Variants in LRIG3 observed in about 807,000 individuals in gnomAD.
The protein encoded by LRIG3 is leucine rich repeats and immunoglobulin like domains 3.
In LRIG3, 76 loss-of-function variants were observed where a neutral mutation model predicts 114.5. That is an observed-to-expected ratio of 0.66 (90% CI 0.55 to 0.80). The LOEUF (loss-of-function observed/expected upper bound fraction) is 0.80. Among genes scored for constraint, LRIG3 ranks in the 30% least tolerant of loss-of-function variants. The pLI is 0.00. For missense variants in LRIG3, 1,239 were observed against 1,382.8 expected (o/e 0.90, Z 1.65); for synonymous variants, 512 against 519.8 (o/e 0.98, Z 0.20).
In LRIG3 at chr12:58,872,592, A is replaced by G. The variant is rs748650167; in HGVS notation, c.3340T>C (p.Ser1114Pro). The stretch of plus-strand genomic sequence containing the variant: ...TCAGTCTATGTGTCCAAGTCATAAG[A>G]CTGAAAATTTGGAGTCCTGTAGTTT... ...LENYRTPNFQSYDLDT is the reference protein window; with the variant it reads ...LENYRTPNFQPYDLDT Residue 1114 changes from serine to proline, a missense_variant, in exon 19 of 19, where the codon TCT becomes CCT. By Grantham distance (74) the Ser-to-Pro change is moderately conservative (BLOSUM62 -1). Coordinates refer to ENST00000320743, the MANE Select transcript of LRIG3 (RefSeq NM_153377.5). 6.2e-7 allele frequency: 1 copy of G among 1,613,654 alleles called. No individual in the cohort carries two copies. The highest frequency in any genetic ancestry group is 1.3e-5 in the African/African-American group (1 of 74,982).
At chr12:58,884,907 T>G (rs1186489214) in intron 10 of LRIG3, among the ~76,000 whole-genome samples, 6 of 152,236 alleles carry the variant, frequency 3.9e-5, no homozygotes, top group African/African-American at 1.4e-4. Flanking sequence ...ACTTTTACTG[T>G]ACAAGCGTAA....
At chr12:58,874,804 A>C (rs1209884217) in intron 16 of LRIG3, among the ~76,000 whole-genome samples, 2 of 152,196 alleles carry the variant, frequency 1.3e-5, no homozygotes, top group Non-Finnish European at 2.9e-5. Context: ...CGGGAAACTG[A>C]TATGTGCAGA....
chr12:58,883,105 A>C (rs1871171575), intron 11 of LRIG3, 73 bp from the exon 12 acceptor site: 1 of 1,425,030 alleles, frequency 7.0e-7, no homozygotes, highest in African/African-American at 1.4e-5. Flanking sequence ...AACCCAAGTA[A>C]ATATTAACAA....
chr12:58,891,817 G>A lies in LRIG3; in HGVS notation c.384-1021C>T, dbSNP rs914124605. On this transcript the variant is annotated intron_variant, in intron 3 of 18. Transcript: ENST00000320743. The stretch of plus-strand genomic sequence containing the variant: ...AAAGTCTTAAACATCAGACCATGAC[G>A]TCCAGTATGGCAGCCACTAGCCACA... Among the ~76,000 whole-genome samples, 14 of 152,180 alleles carry A rather than the reference G, an allele frequency of 9.2e-5. 1 individual carries two copies. In the South Asian group the frequency reaches 1.0e-3, roughly 11 times the overall value.
In LRIG3 at chr12:58,877,661, C is replaced by T. The variant is rs753878787; in HGVS notation, c.2275G>A (p.Val759Ile). 6 of 1,614,188 alleles carry T rather than the reference C, an allele frequency of 3.7e-6. No homozygotes were observed. In the South Asian group the frequency reaches 4.4e-5, roughly 12 times the overall value. Residue 759 changes from valine to isoleucine, a missense_variant, in exon 15 of 19, where the codon GTC becomes ATC. Physicochemically the swap from Val to Ile is conservative, Grantham distance 29. Coordinates refer to ENST00000320743, the MANE Select transcript of LRIG3 (RefSeq NM_153377.5). ...CATGTGTATTTCCCAGCATCACTGA[C>T]ATCTGAGTCCACAATAATCAGAAGC... ...NQLLIIVDSD[V>I]SDAGKYTCEM...
intron 3 of LRIG3, among the ~76,000 whole-genome samples, chr12:58,907,188 T>C (rs1872098721): frequency 6.6e-6 from 1 of 152,216 alleles, no homozygotes; most frequent in Non-Finnish European, 1.5e-5. Flanking sequence ...TCTTCTCTCT[T>C]GTTCAGAGCA....
chr12:58,903,092 G>A (rs1281867764), intron 3 of LRIG3, among the ~76,000 whole-genome samples: 1 of 152,118 alleles, frequency 6.6e-6, no homozygotes, highest in African/African-American at 2.4e-5. Context: ...ACCCAGTAAT[G>A]GGATGGCTGG....
At chr12:58,895,039 C>T (rs1871591715) in intron 3 of LRIG3, among the ~76,000 whole-genome samples, 1 of 152,222 alleles carries the variant, frequency 6.6e-6, no homozygotes, top group Admixed American at 6.5e-5. Flanking sequence ...TTGGCCTCAG[C>T]TTCTCGGGTC....
At chr12:58,887,160 C>T (rs1227147034) in intron 8 of LRIG3, 2 of 363,920 alleles carry the variant, frequency 5.5e-6, no homozygotes, top group Admixed American at 8.8e-5. Flanking sequence ...TCTGAATGAT[C>T]CGAACAGTCT....
chr12:58,919,467 G>T (rs12426969), intron 1 of LRIG3: 1 of 1,551,562 alleles, frequency 6.4e-7, no homozygotes. Flanking sequence ...GAGAACAACA[G>T]AAGTACGTCC....
chr12:58,906,081 T>C (rs1481324994), intron 3 of LRIG3, among the ~76,000 whole-genome samples: 2 of 152,134 alleles, frequency 1.3e-5, no homozygotes, highest in East Asian at 3.9e-4. Context: ...AGATGTCAAA[T>C]TCCATGGGTT....
In LRIG3 at chr12:58,883,504, G is replaced by A. The variant is rs1378207088; in HGVS notation, c.1316+16C>T. On this transcript the variant is annotated intron_variant, in intron 11 of 18. Transcript: ENST00000320743. ...CTCTATACTTTCAGACTCCTAGAAG[G>A]AAAAGAAAAGCTTACAATTGTTGCA... The A allele has an allele frequency of 2.0e-6, 3 of 1,521,904 alleles. No individual in the cohort carries two copies. Among genetic ancestry groups the A allele is most frequent in the Non-Finnish European group, 2.7e-6 (3 of 1,116,412 alleles). 94.3% of individuals were successfully genotyped at this position (1,521,904 alleles called of 1,614,324 possible).
intron 18 of LRIG3, chr12:58,873,469 T>G (rs1870803623): frequency 6.5e-6 from 1 of 154,256 alleles, no homozygotes; most frequent in South Asian, 2.0e-4. Flanking sequence ...AGTGAAAAGA[T>G]GACCTCAGCT....
At chr12:58,893,432 C>T (rs1288380783) in intron 3 of LRIG3, among the ~76,000 whole-genome samples, 1 of 152,174 alleles carries the variant, frequency 6.6e-6, no homozygotes, top group African/African-American at 2.4e-5. Context: ...GTCCCATGTA[C>T]AAGTCACAAA....
chr12:58,907,303 G>C (rs1872102737), intron 3 of LRIG3, among the ~76,000 whole-genome samples: 1 of 152,170 alleles, frequency 6.6e-6, no homozygotes. Context: ...TCACCTTATA[G>C]ATACAAAAGC....
chr12:58,888,944 C>T lies in LRIG3; in HGVS notation c.678G>A (p.Lys226=). 1 of 1,613,390 alleles carries T rather than the reference C, an allele frequency of 6.2e-7. No individual in the cohort carries two copies. The highest frequency in any genetic ancestry group is 8.5e-7 in the Non-Finnish European group (1 of 1,179,690). The change falls in exon 6 of 19, where the codon AAG becomes AAA. Residue 226 remains lysine (K), a synonymous_variant. Coordinates refer to ENST00000320743, the MANE Select transcript of LRIG3 (RefSeq NM_153377.5). ...QLQHLELNRN[K]IKNVDGLTFQ... ...ATGTCAGTCCATCTACATTTTTAAT[C>T]TTGTTTCGGTTCAATTCGCTGCATT...
At position 58,920,364 on chromosome 12, in the gene LRIG3, C is replaced by G; in HGVS notation, c.-129G>C. 1 of 590,234 alleles carries G rather than the reference C, an allele frequency of 1.7e-6. No homozygotes were observed. Among genetic ancestry groups the G allele is most frequent in the Non-Finnish European group, 2.6e-6 (1 of 390,566 alleles). The allele number at this position is 590,234 out of a possible 1,614,324, so 36.6% of individuals were successfully genotyped here. On this transcript the variant is annotated 5_prime_UTR_variant, in exon 1 of 19. Transcript: ENST00000320743. ...CGTGCGCGCTCCTCCCTCGCGCTGC[C>G]CGGTCAATTCCTTCTTTTACTCCCG...
At chr12:58,889,738 C>T (rs1871389332) in intron 5 of LRIG3, among the ~76,000 whole-genome samples, 1 of 151,952 alleles carries the variant, frequency 6.6e-6, no homozygotes, top group Non-Finnish European at 1.5e-5. Flanking sequence ...ACTTTTGTAC[C>T]AGCCTTGTTC....
Position 58,876,462 on chromosome 12 carries a change from G to A in LRIG3, c.2678C>T (p.Pro893Leu), listed in dbSNP as rs1419251790. The A allele has an allele frequency of 6.2e-7, 1 of 1,613,956 alleles. No individual in the cohort carries two copies. The highest frequency in any genetic ancestry group is 1.1e-5 in the South Asian group (1 of 91,060). ...ACACTTACCACTACTGTCATGTTGT[G>A]GTAAGAAAAATCCAGCACCTGAAGA... ...VTSSGAGFFL[P>L]QHDSSGTCHI... is the part of the protein sequence containing the mutation. The change falls in exon 16 of 19, where the codon CCA (proline) becomes CTA (leucine). Residue 893 changes from proline (P) to leucine (L), a missense_variant. Pro to Leu is a moderately conservative substitution (Grantham distance 98). Transcript: ENST00000320743.
Sources: gnomAD v4.1 joint callset for allele counts (sites outside exome capture counted in the v4.1 genomes callset) on GRCh38, gnomAD v4.1.1 for gene constraint, MANE v1.5 for transcripts, NCBI Gene and HGNC (gene_info 2026-07-23, HGNC 2026-07-21) for gene names.